Variants in DOCK7 observed in about 807,000 individuals in gnomAD.
DOCK7 encodes the protein dedicator of cytokinesis protein 7.
In DOCK7, 138 loss-of-function variants were observed where a neutral mutation model predicts 271.0. The ratio of observed to expected loss-of-function variants is 0.51; its 90% CI spans 0.44 to 0.59. The LOEUF (loss-of-function observed/expected upper bound fraction) is 0.59. Among genes scored for constraint, DOCK7 ranks in the 20% least tolerant of loss-of-function variants. DOCK7 has a pLI of 0.00. For missense variants in DOCK7, 2,066 were observed against 2,592.4 expected, an observed-to-expected ratio of 0.80 and a Z score of 4.41; for synonymous variants, 823 against 876.1, an observed-to-expected ratio of 0.94 and a Z score of 1.07.
intron 37 of DOCK7, among the ~76,000 whole-genome samples, chr1:62,504,041 C>T (rs572135696): frequency 1.3e-4 from 14 of 104,104 alleles, no homozygotes; most frequent in African/African-American, 3.4e-4. Flanking sequence ...AGTGAGACTC[C>T]GTCTCAAAAA....
At position 62,513,467 on chromosome 1, in the gene DOCK7, G is replaced by C. The variant is rs56380824; in HGVS notation, c.4259C>G (p.Thr1420Arg). The C allele has an allele frequency of 6.2e-7, 1 of 1,611,844 alleles. No homozygotes were observed. Among genetic ancestry groups the C allele is most frequent in the South Asian group, 1.1e-5 (1 of 90,596 alleles). ...MVRRSRGQLG[T>R]YTIASPPERS... ...ACCAGGAGGAGAAGCTATTGTGTAC[G>C]TACCGAGCTGTCCTCGGCTTCGCCG... The change falls in exon 33 of 50, where the codon ACG becomes AGG. Residue 1420 changes from threonine (T) to arginine (R), a missense_variant. Transcript: ENST00000635253.
chr1:62,593,230 TA>T (rs1019442279), intron 14 of DOCK7, among the ~76,000 whole-genome samples: 2 of 152,134 alleles, frequency 1.3e-5, no homozygotes. Flanking sequence ...TTTTATTTTT[TA>T]TAGGTTTTTG....
At chr1:62,617,306 T>G (rs1176961167) in intron 14 of DOCK7, among the ~76,000 whole-genome samples, 1 of 151,960 alleles carries the variant, frequency 6.6e-6, no homozygotes, top group African/African-American at 2.4e-5. Flanking sequence ...CAGTGTCTTA[T>G]AGACTGTTAG....
intron 31 of DOCK7, among the ~76,000 whole-genome samples, chr1:62,525,908 T>A (rs1197378729): frequency 6.6e-6 from 1 of 152,214 alleles, no homozygotes; most frequent in African/African-American, 2.4e-5. Flanking sequence ...CCAGAATACA[T>A]AAAGAACTCT....
chr1:62,539,327 A>G (rs1317576416), intron 27 of DOCK7, among the ~76,000 whole-genome samples: 6 of 152,206 alleles, frequency 3.9e-5, no homozygotes, highest in Non-Finnish European at 7.3e-5. Context: ...TCAAGGAAAT[A>G]CTGGCTGTAC....
intron 36 of DOCK7, 103 bp downstream of exon 36, chr1:62,505,579 A>C: frequency 8.0e-7 from 1 of 1,257,826 alleles, no homozygotes; most frequent in Non-Finnish European, 1.1e-6. Context: ...ATATTCATTA[A>C]TATATTACTA....
At position 62,573,119 on chromosome 1, in the gene DOCK7, A is replaced by T. The variant is rs529882058; in HGVS notation, c.2112+4143T>A. Among the ~76,000 whole-genome samples, 3 of 152,322 alleles carry T rather than the reference A, an allele frequency of 2.0e-5. No individual in the cohort carries two copies. In the South Asian group the frequency reaches 6.2e-4, roughly 32 times the overall value. On this transcript the variant is annotated intron_variant, in intron 18 of 49. Coordinates refer to ENST00000635253, the MANE Select transcript of DOCK7 (RefSeq NM_001367561.1). ...TAGCATGGAGGAGGGAAAGGTTGCA[A>T]ATTCATGCAGTGAAGAAAGACTTCT...
intron 34 of DOCK7, 74 bp from the exon 35 acceptor site, chr1:62,508,132 T>C (rs1436104356): frequency 7.7e-7 from 1 of 1,303,934 alleles, no homozygotes; most frequent in African/African-American, 1.5e-5. Context: ...TAAGGATGCA[T>C]AGAAATAAAA....
At chr1:62,671,313 A>G (rs1659972031) in intron 1 of DOCK7, among the ~76,000 whole-genome samples, 1 of 152,262 alleles carries the variant, frequency 6.6e-6, no homozygotes, top group South Asian at 2.1e-4. Context: ...TTACAGAGCT[A>G]AAGTGAAAAA....
intron 27 of DOCK7, 59 bp from the exon 28 acceptor site, chr1:62,538,120 A>C: frequency 6.6e-7 from 1 of 1,514,578 alleles, no homozygotes; most frequent in East Asian, 2.3e-5. Context: ...CTTTAATACT[A>C]ATACCAGAAT....
rs1413148771 is a variant in DOCK7 at position 62,604,546 on chromosome 1, GA to G, written c.1682+14159del. The stretch of plus-strand genomic sequence containing the variant: ...ATCTAAAACACTGTAATATTTATAA[GA>G]AAGGAAGATAAACTTACGGGGAAAT... On this transcript the variant is annotated intron_variant, in intron 14 of 49. Transcript: ENST00000635253. 9 of 1,361,536 alleles carry G rather than the reference GA, an allele frequency of 6.6e-6. No homozygotes were observed. In the African/African-American group the frequency reaches 1.3e-4, roughly 20 times the overall value. The allele number at this position is 1,361,536 out of a possible 1,614,324, so 84.3% of individuals were successfully genotyped here. A position where few individuals can be genotyped will look rare whatever the true frequency, so the allele number is the denominator to read the frequency against.
chr1:62,655,650 C>T (rs540141205), intron 2 of DOCK7, among the ~76,000 whole-genome samples: 1 of 152,252 alleles, frequency 6.6e-6, no homozygotes, highest in South Asian at 2.1e-4. Context: ...AACTTTGGAA[C>T]TCCTGAGCTC....
chr1:62,665,231 CA>C (rs1659154957), intron 1 of DOCK7, among the ~76,000 whole-genome samples: 2 of 152,156 alleles, frequency 1.3e-5, no homozygotes, highest in South Asian at 4.2e-4. Context: ...TCAGGTGAGC[CA>C]CCCACCTTGG....
intron 18 of DOCK7, among the ~76,000 whole-genome samples, chr1:62,564,858 A>G (rs1407041466): frequency 6.6e-6 from 1 of 152,210 alleles, no homozygotes; most frequent in African/African-American, 2.4e-5. Context: ...AAAAAACGAT[A>G]AAGGGGATAT....
intron 7 of DOCK7, among the ~76,000 whole-genome samples, chr1:62,640,743 T>C (rs1205154108): frequency 6.6e-6 from 1 of 152,152 alleles, no homozygotes; most frequent in East Asian, 1.9e-4. Context: ...CTACAGAGTA[T>C]AGCATATGAC....
chr1:62,510,450 T>A, intron 34 of DOCK7, 127 bp downstream of exon 34: 1 of 569,648 alleles, frequency 1.8e-6, no homozygotes. Flanking sequence ...TATTTTGTTC[T>A]CTAAGACTTA....
chr1:62,556,519 A>T (rs547582911), intron 20 of DOCK7, among the ~76,000 whole-genome samples: 36 of 151,488 alleles, frequency 2.4e-4, no homozygotes, highest in Non-Finnish European at 4.3e-4. Flanking sequence ...AATGATTAGA[A>T]GGAAAAAAAA....
intron 37 of DOCK7, among the ~76,000 whole-genome samples, chr1:62,499,093 C>T (rs767612287): frequency 6.6e-6 from 1 of 152,270 alleles, no homozygotes; most frequent in Non-Finnish European, 1.5e-5. Flanking sequence ...TGAGCCACTG[C>T]GTCCAGCCAC....
chr1:62,472,154 A>T (rs1645849501), intron 48 of DOCK7, among the ~76,000 whole-genome samples: 1 of 151,948 alleles, frequency 6.6e-6, no homozygotes, highest in African/African-American at 2.4e-5. Context: ...CCCAGGCTGG[A>T]GTGCAGTGGC....
Sources: gnomAD v4.1 joint callset for allele counts (sites outside exome capture counted in the v4.1 genomes callset) on GRCh38, gnomAD v4.1.1 for gene constraint, MANE v1.5 for transcripts, NCBI Gene and HGNC (gene_info 2026-07-23, HGNC 2026-07-21) for gene names.